Variants in TFAP2C observed in about 807,000 individuals in gnomAD.
TFAP2C encodes the protein activating enhancer-binding protein 2 gamma.
TFAP2C carries 9 observed loss-of-function variants against 42.9 expected under a neutral mutation model. The ratio of observed to expected loss-of-function variants is 0.21; its 90% confidence interval spans 0.13 to 0.37. The LOEUF is 0.37. TFAP2C is among the 10% of genes least tolerant of loss of function. TFAP2C has a pLI of 1.00. For synonymous variants in TFAP2C, 264 were observed against 256.0 expected, an observed-to-expected ratio of 1.03 and a Z score of -0.30; for missense variants, 462 against 591.7, an observed-to-expected ratio of 0.78 and a Z score of 2.27.
At chr20:56,637,347 C>T (rs919343128) in intron 6 of TFAP2C, among the ~76,000 whole-genome samples, 16 of 152,186 alleles carry the variant, frequency 1.1e-4, no homozygotes, top group African/African-American at 2.9e-4. Flanking sequence ...TTCCTTCTCC[C>T]GGTTCCTCAC....
rs888375345 is a variant in TFAP2C at position 56,630,752 on chromosome 20, C to G, written c.49-453C>G. ...CATTTCCCGCGCCGCGCACTCTATC[C>G]GCGCCTGCCGCGCTGCCACCTCCAG... On this transcript the variant is annotated intron_variant, in intron 1 of 6. Transcript: ENST00000201031. This position sits in a 1 kb window ranked among gnomAD's most constrained non-coding sequence, Gnocchi z 5.1. The G allele has an allele frequency of 4.1e-6, 4 of 985,248 alleles. No individual in the cohort carries two copies. The highest frequency in any genetic ancestry group is 3.5e-5 in the African/African-American group (2 of 57,244). 61.0% of individuals were successfully genotyped at this position (985,248 alleles called of 1,614,324 possible). A position where few individuals can be genotyped will look rare whatever the true frequency, so the allele number is the denominator to read the frequency against.
intron 6 of TFAP2C, 114 bp from the exon 7 acceptor site, chr20:56,637,614 G>A: frequency 1.1e-6 from 1 of 906,326 alleles, no homozygotes; most frequent in Non-Finnish European, 1.7e-6. Context: ...TCCTTCCTCG[G>A]GTTGAAGCAG....
chr20:56,629,314 C>T lies in TFAP2C; in HGVS notation c.-231C>T. On this transcript the variant is annotated 5_prime_UTR_variant, in exon 1 of 7. Coordinates refer to ENST00000201031, the MANE Select transcript of TFAP2C (RefSeq NM_003222.4). This position sits in a 1 kb window ranked among gnomAD's most constrained non-coding sequence, Gnocchi z 5.9. ...GTCCCCCGGCTATCGCCAGGACACA[C>T]TGTTCGGGCGCGGCTTTCCCCGTCC... is the stretch of plus-strand genomic sequence containing the variant. 1 of 395,412 alleles carries T rather than the reference C, an allele frequency of 2.5e-6. No homozygotes were observed. Among genetic ancestry groups the T allele is most frequent in the East Asian group, 3.6e-5 (1 of 27,678 alleles). 24.5% of individuals were successfully genotyped at this position (395,412 alleles called of 1,614,324 possible). A position where few individuals can be genotyped will look rare whatever the true frequency, so the allele number is the denominator to read the frequency against.
Position 56,629,341 on chromosome 20 carries a change from CG to C in TFAP2C, c.-202del. Reference sequence around the variant, plus strand: ...GTTCGGGCGCGGCTTTCCCCGTCCGCGGAGCGGTCTTGACACTCGCGGCGGC... The same window carrying C: ...GTTCGGGCGCGGCTTTCCCCGTCCGCGAGCGGTCTTGACACTCGCGGCGGC... On this transcript the variant is annotated 5_prime_UTR_variant, in exon 1 of 7. Coordinates refer to ENST00000201031, the MANE Select transcript of TFAP2C (RefSeq NM_003222.4). This position sits in a 1 kb window ranked among gnomAD's most constrained non-coding sequence, Gnocchi z 5.9. The C allele has an allele frequency of 2.4e-6, 1 of 408,766 alleles. No individual in the cohort carries two copies. Among genetic ancestry groups the C allele is most frequent in the East Asian group, 3.6e-5 (1 of 28,024 alleles). 25.3% of individuals were successfully genotyped at this position (408,766 alleles called of 1,614,324 possible). A position where few individuals can be genotyped will look rare whatever the true frequency, so the allele number is the denominator to read the frequency against.
Position 56,631,125 on chromosome 20 carries a change from C to T in TFAP2C, c.49-80C>T. The T allele has an allele frequency of 2.0e-6, 3 of 1,464,858 alleles. No homozygotes were observed. Among genetic ancestry groups the T allele is most frequent in the Non-Finnish European group, 2.7e-6 (3 of 1,113,930 alleles). 90.7% of individuals were successfully genotyped at this position (1,464,858 alleles called of 1,614,324 possible). A position where few individuals can be genotyped will look rare whatever the true frequency, so the allele number is the denominator to read the frequency against. On this transcript the variant is annotated intron_variant, in intron 1 of 6. Transcript: ENST00000201031. The surrounding 1 kb of genome is among the most constrained non-coding windows in gnomAD (Gnocchi z 6.1). ...GCGGTTGGTCCCCCGGGGCCCTCTGCGTAGCCCGGCGATGCCGGCCAGTTC... is the reference window on the plus strand; with the variant it reads ...GCGGTTGGTCCCCCGGGGCCCTCTGTGTAGCCCGGCGATGCCGGCCAGTTC...
chr20:56,637,484 T>A (rs1379680331), intron 6 of TFAP2C, among the ~76,000 whole-genome samples: 2 of 152,244 alleles, frequency 1.3e-5, no homozygotes, highest in Non-Finnish European at 2.9e-5. Flanking sequence ...GTTAAGTTAA[T>A]CCTGTTGTCT....
Position 56,630,734 on chromosome 20 carries a change from C to T in TFAP2C, c.49-471C>T, listed in dbSNP as rs1192744778. Reference sequence around the variant, plus strand: ...GGGGGCGGGGGAGGTGCGCATTTCCCGCGCCGCGCACTCTATCCGCGCCTG... The same window carrying T: ...GGGGGCGGGGGAGGTGCGCATTTCCTGCGCCGCGCACTCTATCCGCGCCTG... On this transcript the variant is annotated intron_variant, in intron 1 of 6. Transcript: ENST00000201031. The surrounding 1 kb of genome is among the most constrained non-coding windows in gnomAD (Gnocchi z 5.1). 1 of 985,236 alleles carries T rather than the reference C, an allele frequency of 1.0e-6. No homozygotes were observed. The allele number at this position is 985,236 out of a possible 1,614,324, so 61.0% of individuals were successfully genotyped here.
At position 56,630,993 on chromosome 20, in the gene TFAP2C, T is replaced by C. The variant is rs1295877830; in HGVS notation, c.49-212T>C. ...TTTGAGAACTCGTTCCCCCAGGTCT[T>C]TCACCAGACTCTCCTCCCTCCCCGC... On this transcript the variant is annotated intron_variant, in intron 1 of 6. Transcript: ENST00000201031. This position sits in a 1 kb window ranked among gnomAD's most constrained non-coding sequence, Gnocchi z 5.1. The C allele has an allele frequency of 9.1e-6, 9 of 985,170 alleles. No individual in the cohort carries two copies. Among genetic ancestry groups the C allele is most frequent in the Non-Finnish European group, 9.6e-6 (8 of 829,876 alleles). 61.0% of individuals were successfully genotyped at this position (985,170 alleles called of 1,614,324 possible).
rs1255128551 is a variant in TFAP2C at position 56,631,734 on chromosome 20, G to T, written c.534+44G>T. ...CCTGACCGGACCTGTTCACCCTACG[G>T]CCTTCTGCCCCCACCCCGCACTCCT... is the stretch of plus-strand genomic sequence containing the variant. On this transcript the variant is annotated intron_variant, in intron 2 of 6. Transcript: ENST00000201031. The surrounding 1 kb of genome is among the most constrained non-coding windows in gnomAD (Gnocchi z 6.1). 1 of 1,611,420 alleles carries T rather than the reference G, an allele frequency of 6.2e-7. No individual in the cohort carries two copies. The highest frequency in any genetic ancestry group is 2.2e-5 in the East Asian group (1 of 44,844).
At position 56,638,493 on chromosome 20, in the gene TFAP2C, C is replaced by G. The variant is rs143521494; in HGVS notation, c.*480C>G. On this transcript the variant is annotated 3_prime_UTR_variant, in exon 7 of 7. Coordinates refer to ENST00000201031, the MANE Select transcript of TFAP2C (RefSeq NM_003222.4). ...CCTTGAAAAAAAGAAAAGTGTGTAT[C>G]TAGCTTCTTCAGAGATCAAGTCCTC... 1.3e-3 allele frequency: 201 copies of G among 157,508 alleles called. No individual in the cohort carries two copies. Among genetic ancestry groups the G allele is most frequent in the African/African-American group, 4.6e-3 (191 of 41,232 alleles). 9.8% of individuals were successfully genotyped at this position (157,508 alleles called of 1,614,324 possible).
Position 56,630,221 on chromosome 20 carries a change from A to G in TFAP2C, c.48+629A>G. 3.5e-6 allele frequency: 1 copy of G among 284,782 alleles called. No homozygotes were observed. The highest frequency in any genetic ancestry group is 7.3e-6 in the Non-Finnish European group (1 of 137,594). 17.6% of individuals were successfully genotyped at this position (284,782 alleles called of 1,614,324 possible). ...GCGAGCGGGAAGAGGAAGAAGACGC[A>G]GGCAGCGCTAGGCGAGCTCAGGGGC... On this transcript the variant is annotated intron_variant, in intron 1 of 6. Transcript: ENST00000201031. The surrounding 1 kb of genome is among the most constrained non-coding windows in gnomAD (Gnocchi z 5.1).
At position 56,630,752 on chromosome 20, in the gene TFAP2C, C is replaced by T. The variant is rs888375345; in HGVS notation, c.49-453C>T. The T allele has an allele frequency of 6.1e-6, 6 of 985,248 alleles. No homozygotes were observed. Among genetic ancestry groups the T allele is most frequent in the Non-Finnish European group, 7.2e-6 (6 of 829,894 alleles). The allele number at this position is 985,248 out of a possible 1,614,324, so 61.0% of individuals were successfully genotyped here. ...CATTTCCCGCGCCGCGCACTCTATC[C>T]GCGCCTGCCGCGCTGCCACCTCCAG... On this transcript the variant is annotated intron_variant, in intron 1 of 6. Transcript: ENST00000201031. The surrounding 1 kb of genome is among the most constrained non-coding windows in gnomAD (Gnocchi z 5.1).
intron 6 of TFAP2C, 50 bp from the exon 7 acceptor site, chr20:56,637,678 C>A: frequency 6.3e-7 from 1 of 1,590,954 alleles, no homozygotes; most frequent in Non-Finnish European, 8.6e-7. Flanking sequence ...GTGCTCTTGA[C>A]CTGTAAGGAG....
At position 56,631,114 on chromosome 20, in the gene TFAP2C, G is replaced by C; in HGVS notation, c.49-91G>C. The C allele has an allele frequency of 6.9e-7, 1 of 1,452,858 alleles. No individual in the cohort carries two copies. The highest frequency in any genetic ancestry group is 9.0e-7 in the Non-Finnish European group (1 of 1,108,732). The allele number at this position is 1,452,858 out of a possible 1,614,324, so 90.0% of individuals were successfully genotyped here. A position where few individuals can be genotyped will look rare whatever the true frequency, so the allele number is the denominator to read the frequency against. Reference sequence around the variant, plus strand: ...CCGGGCGGGGTGCGGTTGGTCCCCCGGGGCCCTCTGCGTAGCCCGGCGATG... The same window carrying C: ...CCGGGCGGGGTGCGGTTGGTCCCCCCGGGCCCTCTGCGTAGCCCGGCGATG... On this transcript the variant is annotated intron_variant, in intron 1 of 6. Transcript: ENST00000201031. This position sits in a 1 kb window ranked among gnomAD's most constrained non-coding sequence, Gnocchi z 6.1.
At position 56,634,215 on chromosome 20, in the gene TFAP2C, C is replaced by T. The variant is rs1205025811; in HGVS notation, c.869C>T (p.Pro290Leu). 6.2e-7 allele frequency: 1 copy of T among 1,614,168 alleles called. No homozygotes were observed. The highest frequency in any genetic ancestry group is 8.5e-7 in the Non-Finnish European group (1 of 1,180,020). ...EKLDKIGLNL[P>L]AGRRKAAHVT... ...TTGGACAAGATTGGGTTGAATCTTC[C>T]GGCCGGGAGGCGGAAAGCCGCTCAT... The change falls in exon 5 of 7, where the codon CCG becomes CTG. Residue 290 changes from proline (P) to leucine (L), a missense_variant. By Grantham distance (98) the Pro-to-Leu change is moderately conservative (BLOSUM62 -3). Around this residue, in one of 5 missense-constraint regions of TFAP2C, gnomAD observed 40 missense variants for 106.8 expected, o/e 0.37. Coordinates refer to ENST00000201031, the MANE Select transcript of TFAP2C (RefSeq NM_003222.4).
Position 56,631,545 on chromosome 20 carries a change from G to T in TFAP2C, c.389G>T (p.Gly130Val), listed in dbSNP as rs1239576291. ...RPAGLLPHLS[G>V]LEAGAVSARR... is the part of the protein sequence containing the mutation. Reference sequence around the variant, plus strand: ...GCCGGCCTACTGCCCCACCTCTCCGGGCTGGAGGCGGGCGCGGTGAGCGCC... The same window carrying T: ...GCCGGCCTACTGCCCCACCTCTCCGTGCTGGAGGCGGGCGCGGTGAGCGCC... The change falls in exon 2 of 7, where the codon GGG becomes GTG. Residue 130 changes from glycine (G) to valine (V), a missense_variant. Gly to Val is a moderately radical substitution (Grantham distance 109). This residue lies in a region of TFAP2C where 271 missense variants were observed against 269.7 expected (regional missense o/e 1.00). Transcript: ENST00000201031. The surrounding 1 kb of genome is among the most constrained non-coding windows in gnomAD (Gnocchi z 6.1). 4 of 1,531,324 alleles carry T rather than the reference G, an allele frequency of 2.6e-6. No individual in the cohort carries two copies. Among genetic ancestry groups the T allele is most frequent in the Non-Finnish European group, 2.6e-6 (3 of 1,145,562 alleles). The allele number at this position is 1,531,324 out of a possible 1,614,324, so 94.9% of individuals were successfully genotyped here. A position where few individuals can be genotyped will look rare whatever the true frequency, so the allele number is the denominator to read the frequency against.
chr20:56,632,854 T>C (rs1312418159), intron 3 of TFAP2C, among the ~76,000 whole-genome samples: 2 of 152,122 alleles, frequency 1.3e-5, no homozygotes, highest in Non-Finnish European at 2.9e-5. Context: ...CTTTGGATCT[T>C]CACTAATTAA....
At position 56,630,316 on chromosome 20, in the gene TFAP2C, C is replaced by T. The variant is rs781752607; in HGVS notation, c.48+724C>T. ...GCGCCTCCGGGCCCTGGAGGGCTGCCCCTGCCCGCAGGCCCGGGCGCTTCC... is the reference window on the plus strand; with the variant it reads ...GCGCCTCCGGGCCCTGGAGGGCTGCTCCTGCCCGCAGGCCCGGGCGCTTCC... On this transcript the variant is annotated intron_variant, in intron 1 of 6. Coordinates refer to ENST00000201031, the MANE Select transcript of TFAP2C (RefSeq NM_003222.4). The surrounding 1 kb of genome is among the most constrained non-coding windows in gnomAD (Gnocchi z 5.1). 3.6e-5 allele frequency: 15 copies of T among 416,100 alleles called. No homozygotes were observed. The highest frequency in any genetic ancestry group is 7.4e-5 in the Non-Finnish European group (15 of 203,908). The allele number at this position is 416,100 out of a possible 1,614,324, so 25.8% of individuals were successfully genotyped here.
Position 56,631,914 on chromosome 20 carries a change from G to T in TFAP2C, c.586+58G>T. 1 of 1,599,074 alleles carries T rather than the reference G, an allele frequency of 6.3e-7. No individual in the cohort carries two copies. On this transcript the variant is annotated intron_variant, in intron 3 of 6. Coordinates refer to ENST00000201031, the MANE Select transcript of TFAP2C (RefSeq NM_003222.4). This position sits in a 1 kb window ranked among gnomAD's most constrained non-coding sequence, Gnocchi z 6.1. ...TCACACGATCTGGGCTTGTGAAGTT[G>T]ACTGGCAAGGTTGGGGGTATTTGGT... is the stretch of plus-strand genomic sequence containing the variant.
Sources: gnomAD v4.1 joint callset for allele counts (sites outside exome capture counted in the v4.1 genomes callset) on GRCh38, gnomAD v4.1.1 for gene constraint, gnomAD v4.1.1 regional missense constraint, Gnocchi (gnomAD v3.1) non-coding constraint, MANE v1.5 for transcripts, NCBI Gene and HGNC (gene_info 2026-07-23, HGNC 2026-07-21) for gene names.